PHACTR3: variants seen among roughly 807,000 people sequenced by gnomAD.
PHACTR3 encodes protein phosphatase 1, regulatory subunit 123.
In PHACTR3, 16 loss-of-function variants were observed where a neutral mutation model predicts 66.8. The ratio of observed to expected loss-of-function variants is 0.24; its 90% CI spans 0.16 to 0.36. The LOEUF (loss-of-function observed/expected upper bound fraction) is 0.36. Among genes scored for constraint, PHACTR3 ranks in the 10% least tolerant of loss-of-function variants. PHACTR3 has a pLI of 1.00. For synonymous variants in PHACTR3, 323 were observed against 292.1 expected (o/e 1.11, Z -1.08); for missense variants, 647 against 719.9 (o/e 0.90, Z 1.16).
At chr20:59,754,539 G>T (rs2039715472) in intron 3 of PHACTR3, among the ~76,000 whole-genome samples, 1 of 152,236 alleles carries the variant, frequency 6.6e-6, no homozygotes, top group Non-Finnish European at 1.5e-5. Context: ...CACGTAGCCG[G>T]TGATCAGTAA....
At chr20:59,709,786 G>GA (rs1210209679) in intron 1 of PHACTR3, among the ~76,000 whole-genome samples, 1 of 152,062 alleles carries the variant, frequency 6.6e-6, no homozygotes, top group Non-Finnish European at 1.5e-5. Flanking sequence ...TGTTGGGGGA[G>GA]ATGGTGCAGG....
intron 1 of PHACTR3, among the ~76,000 whole-genome samples, chr20:59,622,550 C>T (rs1221448426): frequency 4.6e-5 from 7 of 152,172 alleles, no homozygotes; most frequent in African/African-American, 9.7e-5. Flanking sequence ...TCCTGGTTTG[C>T]GATGGACACT....
chr20:59,785,816 T>C (rs2040887204), intron 7 of PHACTR3, among the ~76,000 whole-genome samples: 1 of 151,908 alleles, frequency 6.6e-6, no homozygotes, highest in Non-Finnish European at 1.5e-5. Context: ...GGTCCGATCC[T>C]TAAAGCTGCT....
chr20:59,723,847 G>A (rs2038448636), intron 1 of PHACTR3, among the ~76,000 whole-genome samples: 1 of 152,098 alleles, frequency 6.6e-6, no homozygotes, highest in Non-Finnish European at 1.5e-5. Context: ...CTGCTCAGGA[G>A]TAGAATGGTT....
At chr20:59,722,618 C>G (rs76517730) in intron 1 of PHACTR3, among the ~76,000 whole-genome samples, 6 of 152,130 alleles carry the variant, frequency 3.9e-5, no homozygotes, top group African/African-American at 1.4e-4. Flanking sequence ...CTGGGGATCT[C>G]TTTGCTTCCA....
At chr20:59,671,775 C>A (rs181398119) in intron 1 of PHACTR3, among the ~76,000 whole-genome samples, 1 of 152,236 alleles carries the variant, frequency 6.6e-6, no homozygotes, top group Non-Finnish European at 1.5e-5. Flanking sequence ...ATGGCTCTTG[C>A]CAGGCTGCGT....
rs528755037 is a variant in PHACTR3 at position 59,645,038 on chromosome 20, G to A, written c.118+39906G>A. Among the ~76,000 whole-genome samples, 15 of 151,672 alleles carry A rather than the reference G, an allele frequency of 9.9e-5. No individual in the cohort carries two copies. The East Asian group carries it at 1.2e-3, about 12-fold the overall frequency. On this transcript the variant is annotated intron_variant, in intron 1 of 12. Transcript: ENST00000371015. ...CCTTCGCTCCCTCCCTTTCTCTTTC[G>A]GAGTCCCCTGTGTCTGTTGTTCTGT...
At chr20:59,841,606 G>GT in intron 11 of PHACTR3, 71 bp downstream of exon 11, 1 of 1,508,048 alleles carries the variant, frequency 6.6e-7, no homozygotes, top group Non-Finnish European at 8.9e-7. Flanking sequence ...ATGCCAGGGA[G>GT]TTTATTCATA....
At chr20:59,698,269 T>A (rs1478843541) in intron 1 of PHACTR3, among the ~76,000 whole-genome samples, 3 of 151,982 alleles carry the variant, frequency 2.0e-5, no homozygotes, top group African/African-American at 7.3e-5. Context: ...ATATAGCATG[T>A]CAATGTGAAA....
At chr20:59,789,021 A>G (rs1354834166) in intron 7 of PHACTR3, among the ~76,000 whole-genome samples, 1 of 152,212 alleles carries the variant, frequency 6.6e-6, no homozygotes, top group Non-Finnish European at 1.5e-5. Context: ...TGATGAAGCG[A>G]TGGTAGCTGC....
chr20:59,774,551 G>A, intron 7 of PHACTR3, 61 bp downstream of exon 7: 6 of 1,573,790 alleles, frequency 3.8e-6, no homozygotes, highest in Middle Eastern at 1.9e-4. Context: ...TGTCACCAGG[G>A]GGTCGAGGAC....
intron 1 of PHACTR3, among the ~76,000 whole-genome samples, chr20:59,658,728 T>A (rs1320185628): frequency 6.6e-6 from 1 of 152,212 alleles, no homozygotes; most frequent in African/African-American, 2.4e-5. Flanking sequence ...TGCTCCATTA[T>A]TTTTGACAAT....
chr20:59,661,668 C>G (rs530813672), intron 1 of PHACTR3, among the ~76,000 whole-genome samples: 1 of 152,058 alleles, frequency 6.6e-6, no homozygotes, highest in East Asian at 1.9e-4. Context: ...TTCCACAGGG[C>G]TTCTTTCTGT....
In PHACTR3 at chr20:59,829,366, C is replaced by T. The variant is rs1388589234; in HGVS notation, c.1329-7139C>T. Among the ~76,000 whole-genome samples the T allele has an allele frequency of 2.0e-5, 3 of 152,152 alleles. No homozygotes were observed. Among genetic ancestry groups the T allele is most frequent in the Non-Finnish European group, 2.9e-5 (2 of 68,016 alleles). ...TGCCCATCCCAGGTCTTTCCCTGGGCGGTTTCTTTCATCATCCAGGCCTCA... is the reference window on the plus strand; with the variant it reads ...TGCCCATCCCAGGTCTTTCCCTGGGTGGTTTCTTTCATCATCCAGGCCTCA... On this transcript the variant is annotated intron_variant, in intron 8 of 12. Transcript: ENST00000371015. This position sits in a 1 kb window ranked among gnomAD's most constrained non-coding sequence, Gnocchi z 4.2.
chr20:59,625,450 A>G (rs191587045), intron 1 of PHACTR3, among the ~76,000 whole-genome samples: 1 of 152,266 alleles, frequency 6.6e-6, no homozygotes, highest in Non-Finnish European at 1.5e-5. Flanking sequence ...AAACTGGAAG[A>G]TCCCACTTAA....
chr20:59,831,072 C>T (rs774153396), intron 8 of PHACTR3, among the ~76,000 whole-genome samples: 2 of 152,088 alleles, frequency 1.3e-5, no homozygotes, highest in African/African-American at 4.8e-5. Context: ...ACTCACAGCA[C>T]AGGGCCAGGT....
chr20:59,584,827 CG>C (rs1200650468), intron 1 of PHACTR3, among the ~76,000 whole-genome samples: 1 of 152,144 alleles, frequency 6.6e-6, no homozygotes. Context: ...CCCCCTATTC[CG>C]GGGGGATCTT....
intron 1 of PHACTR3, among the ~76,000 whole-genome samples, chr20:59,642,160 G>C (rs1279507208): frequency 6.6e-6 from 1 of 152,132 alleles, no homozygotes; most frequent in East Asian, 1.9e-4. Flanking sequence ...GGGAAGAAGT[G>C]GTCAGGATTA....
chr20:59,659,949 T>A (rs2035755361), intron 1 of PHACTR3, among the ~76,000 whole-genome samples: 1 of 152,152 alleles, frequency 6.6e-6, no homozygotes, highest in Non-Finnish European at 1.5e-5. Flanking sequence ...TTGTAGGGCA[T>A]CTGTCCTGCC....
Sources: gnomAD v4.1 joint callset for allele counts (sites outside exome capture counted in the v4.1 genomes callset) on GRCh38, gnomAD v4.1.1 for gene constraint, Gnocchi (gnomAD v3.1) non-coding constraint, MANE v1.5 for transcripts, NCBI Gene and HGNC (gene_info 2026-07-23, HGNC 2026-07-21) for gene names.